ASAP1: variants seen among roughly 807,000 people sequenced by gnomAD.
ASAP1 encodes ArfGAP with SH3 domain, ankyrin repeat and PH domain 1.
ASAP1 carries 43 observed loss-of-function variants against 145.2 expected under a neutral mutation model. The ratio of observed to expected loss-of-function variants is 0.30; its 90% CI spans 0.23 to 0.38. The LOEUF (loss-of-function observed/expected upper bound fraction) is 0.38, where lower values mean the gene tolerates loss of function less well. Ranked by LOEUF, ASAP1 falls within the 10% of genes least tolerant of loss-of-function variation. The pLI, the probability that ASAP1 is intolerant of heterozygous loss-of-function variation, is 1.00. For synonymous variants in ASAP1, 546 were observed against 515.5 expected, an observed-to-expected ratio of 1.06 and a Z score of -0.80; for missense variants, 1,018 against 1,355.3, an observed-to-expected ratio of 0.75 and a Z score of 3.91.
intron 7 of ASAP1, among the ~76,000 whole-genome samples, chr8:130,185,682 T>C (rs1019489876): frequency 1.4e-5 from 2 of 144,196 alleles, no homozygotes; most frequent in South Asian, 2.1e-4. Context: ...TGAGACGAGA[T>C]TGAGCCACTG....
intron 3 of ASAP1, among the ~76,000 whole-genome samples, chr8:130,237,675 A>T (rs1258323075): frequency 6.6e-6 from 1 of 152,010 alleles, no homozygotes; most frequent in Non-Finnish European, 1.5e-5. Context: ...CTAGGAGTCT[A>T]TTGTTGTTGA....
At chr8:130,097,160 A>G (rs1042758957) in intron 24 of ASAP1, among the ~76,000 whole-genome samples, 3 of 133,936 alleles carry the variant, frequency 2.2e-5, no homozygotes, top group Non-Finnish European at 4.7e-5. Flanking sequence ...AAAAAAAAAA[A>G]AGTCCTTGAA....
At chr8:130,351,027 A>ATTT (rs1278871079) in intron 3 of ASAP1, among the ~76,000 whole-genome samples, 12 of 152,252 alleles carry the variant, frequency 7.9e-5, no homozygotes, top group Non-Finnish European at 1.5e-5. Context: ...TTTGATCACA[A>ATTT]AAGGCAGAGA....
chr8:130,394,697 A>C (rs141129995), intron 2 of ASAP1, among the ~76,000 whole-genome samples: 11,450 of 152,216 alleles, frequency 0.075, 463 homozygotes, highest in Middle Eastern at 0.12. Context: ...ATGTCTCCCC[A>C]GGACACCCAG....
chr8:130,339,744 C>CT, intron 3 of ASAP1, among the ~76,000 whole-genome samples: 2 of 152,300 alleles, frequency 1.3e-5, no homozygotes, highest in Non-Finnish European at 2.9e-5. Flanking sequence ...TTGGCAGTGG[C>CT]TGTAAACTCA....
At chr8:130,202,439 T>A (rs548314145) in intron 5 of ASAP1, among the ~76,000 whole-genome samples, 89 of 152,344 alleles carry the variant, frequency 5.8e-4, no homozygotes, top group Non-Finnish European at 1.1e-3. Flanking sequence ...TTAGCACAGA[T>A]TCTGGAACAG....
chr8:130,222,801 TAAGC>T (rs1817369249), intron 4 of ASAP1, among the ~76,000 whole-genome samples: 1 of 152,240 alleles, frequency 6.6e-6, no homozygotes, highest in African/African-American at 2.4e-5. Flanking sequence ...TTAGAGTAGT[TAAGC>T]AAGTTGCTCA....
intron 2 of ASAP1, among the ~76,000 whole-genome samples, chr8:130,372,892 GGACACATACACA>G (rs1827277024): frequency 6.6e-6 from 1 of 151,872 alleles, no homozygotes; most frequent in Non-Finnish European, 1.5e-5. Context: ...ATGGACACAT[GGACACATACACA>G]GACATATAGA....
chr8:130,332,113 G>A (rs988324116), intron 3 of ASAP1, among the ~76,000 whole-genome samples: 5 of 152,200 alleles, frequency 3.3e-5, no homozygotes, highest in Non-Finnish European at 5.9e-5. Flanking sequence ...GGGTCACAGA[G>A]TAAACATTTC....
chr8:130,095,504 T>C (rs1033750194), intron 24 of ASAP1, among the ~76,000 whole-genome samples: 1 of 152,046 alleles, frequency 6.6e-6, no homozygotes, highest in Non-Finnish European at 1.5e-5. Flanking sequence ...TTTTGCCATG[T>C]TGGCCAGGCA....
At chr8:130,409,870 C>T (rs16904267) in intron 1 of ASAP1, among the ~76,000 whole-genome samples, 54,722 of 152,090 alleles carry the variant, frequency 0.36, 10,489 homozygotes, top group African/African-American at 0.47. Context: ...TCTGAGTATA[C>T]TGCAGGCACT....
At chr8:130,076,298 G>T in intron 27 of ASAP1, 50 bp downstream of exon 27, 1 of 1,412,180 alleles carries the variant, frequency 7.1e-7, no homozygotes, top group South Asian at 1.2e-5. Flanking sequence ...CCCCTTGGAG[G>T]GGGTAGTGAC....
At chr8:130,070,142 TTCTC>T (rs745493409) in intron 27 of ASAP1, among the ~76,000 whole-genome samples, 1 of 145,926 alleles carries the variant, frequency 6.9e-6, no homozygotes, top group African/African-American at 2.5e-5. Context: ...GTTCACGCCA[TTCTC>T]CTGCCTCAGC....
At chr8:130,306,293 C>A (rs1822987816) in intron 3 of ASAP1, among the ~76,000 whole-genome samples, 1 of 152,206 alleles carries the variant, frequency 6.6e-6, no homozygotes, top group Admixed American at 6.5e-5. Flanking sequence ...GCAAGTCATT[C>A]ACTCACTCAA....
At chr8:130,341,118 C>T (rs558565309) in intron 3 of ASAP1, among the ~76,000 whole-genome samples, 3 of 152,174 alleles carry the variant, frequency 2.0e-5, no homozygotes, top group South Asian at 4.1e-4. Flanking sequence ...TGACAAGATG[C>T]ATTACAGCAG....
intron 2 of ASAP1, among the ~76,000 whole-genome samples, chr8:130,392,380 CT>C (rs1828322901): frequency 6.6e-6 from 1 of 152,226 alleles, no homozygotes. Flanking sequence ...GTGCATTCAT[CT>C]GTGTTACTTA....
chr8:130,125,258 T>C (rs1447648738), intron 17 of ASAP1, among the ~76,000 whole-genome samples: 2 of 152,136 alleles, frequency 1.3e-5, no homozygotes, highest in African/African-American at 2.4e-5. Flanking sequence ...ATTTGTCCAG[T>C]AGGCATCCTA....
intron 8 of ASAP1, among the ~76,000 whole-genome samples, chr8:130,179,967 G>GAGAGAAAGAGAA (rs149057640): frequency 9.6e-4 from 138 of 144,330 alleles, no homozygotes; most frequent in Non-Finnish European, 5.7e-4. Context: ...ACAGAAAAAA[G>GAGAGAAAGAGAA]AGAGAAAGAG....
chr8:130,416,435 C>T (rs1829479080), intron 1 of ASAP1, among the ~76,000 whole-genome samples: 1 of 152,232 alleles, frequency 6.6e-6, no homozygotes, highest in African/African-American at 2.4e-5. Context: ...TTTCTGGGCA[C>T]ACACGGTCAT....
Sources: allele counts gnomAD v4.1 joint callset (sites outside exome capture counted in the v4.1 genomes callset), GRCh38; gene constraint gnomAD v4.1.1; transcripts MANE v1.5; gene names NCBI Gene and HGNC (gene_info 2026-07-23, HGNC 2026-07-21).